The following UMAD1 variants were observed in gnomAD, a reference collection of about 807,000 sequenced individuals.
UMAD1 encodes UBAP1-MVB12-associated (UMA)-domain containing protein 1.
Under a neutral mutation model 6.1 loss-of-function variants are expected in UMAD1, and 8 were observed. That is an observed-to-expected ratio of 1.30 (90% confidence interval 0.76 to 2.35). UMAD1 has a LOEUF of 2.35. Ranked by LOEUF, UMAD1 falls within the 30% of genes most tolerant of loss-of-function variation. UMAD1 has a pLI of 0.00. For missense variants in UMAD1, 130 were observed against 78.4 expected (o/e 1.66, Z -2.49); for synonymous variants, 56 against 31.4 (o/e 1.78, Z -2.61).
At chr7:7,657,805 G>A (rs1346197818) in intron 1 of UMAD1, among the ~76,000 whole-genome samples, 4 of 152,088 alleles carry the variant, frequency 2.6e-5, no homozygotes, top group Non-Finnish European at 5.9e-5. Flanking sequence ...GCTCTATTTT[G>A]GTTCTATGTG....
chr7:7,768,570 C>T (rs1391729054), intron 2 of UMAD1, among the ~76,000 whole-genome samples: 1 of 152,094 alleles, frequency 6.6e-6, no homozygotes. Flanking sequence ...GGCCTGAAAA[C>T]TCCTCCTGCT....
At position 7,878,580 on chromosome 7, in the gene UMAD1, A is replaced by G. The variant is rs1784467860; in HGVS notation, c.*1042A>G. The stretch of plus-strand genomic sequence containing the variant: ...TCAATAAACTGTAAAGGGAAGAGGT[A>G]AATTGTGATAGAGAATTTTCTATGT... On this transcript the variant is annotated 3_prime_UTR_variant, in exon 4 of 4. Coordinates refer to ENST00000682710, the MANE Select transcript of UMAD1 (RefSeq NM_001302348.2). 1 of 152,230 alleles carries G rather than the reference A, an allele frequency of 6.6e-6. No homozygotes were observed. The highest frequency in any genetic ancestry group is 2.4e-5 in the African/African-American group (1 of 41,460). 9.4% of individuals were successfully genotyped at this position (152,230 alleles called of 1,614,324 possible).
At chr7:7,797,902 G>C (rs1232037415) in intron 2 of UMAD1, among the ~76,000 whole-genome samples, 7 of 152,080 alleles carry the variant, frequency 4.6e-5, no homozygotes, top group Admixed American at 4.6e-4. Flanking sequence ...GGCCAGGCTG[G>C]TCTTGAATTC....
chr7:7,802,538 A>C (rs1277784380), intron 3 of UMAD1, among the ~76,000 whole-genome samples: 2 of 152,246 alleles, frequency 1.3e-5, no homozygotes, highest in Admixed American at 1.3e-4. Flanking sequence ...TGTAGTTAGG[A>C]TACTTTTGAA....
intron 1 of UMAD1, among the ~76,000 whole-genome samples, chr7:7,670,728 C>T (rs1779585838): frequency 6.6e-6 from 1 of 152,160 alleles, no homozygotes; most frequent in Non-Finnish European, 1.5e-5. Flanking sequence ...AAGTAATCTG[C>T]CCCTCCTTTA....
At chr7:7,820,052 A>C (rs1304847916) in intron 3 of UMAD1, among the ~76,000 whole-genome samples, 3 of 152,220 alleles carry the variant, frequency 2.0e-5, no homozygotes, top group Non-Finnish European at 4.4e-5. Context: ...TGTCTTTTAG[A>C]GGTAGTTGTC....
intron 2 of UMAD1, among the ~76,000 whole-genome samples, chr7:7,688,942 T>C (rs928090653): frequency 2.0e-5 from 3 of 152,216 alleles, no homozygotes; most frequent in Non-Finnish European, 4.4e-5. Context: ...ACTTATCTAT[T>C]ACTTGGATTT....
intron 2 of UMAD1, among the ~76,000 whole-genome samples, chr7:7,778,495 C>A (rs1205305200): frequency 4.0e-5 from 6 of 151,524 alleles, no homozygotes; most frequent in African/African-American, 1.5e-4. Flanking sequence ...GCGATCACAG[C>A]TCAATGCAGT....
At chr7:7,864,602 TACACACAC>T (rs59036228) in intron 3 of UMAD1, among the ~76,000 whole-genome samples, 3,718 of 140,198 alleles carry the variant, frequency 0.027, 146 homozygotes, top group African/African-American at 0.082. Flanking sequence ...ACATGAAAAC[TACACACAC>T]ACACACACAC....
chr7:7,766,787 C>G (rs948355627), intron 2 of UMAD1, among the ~76,000 whole-genome samples: 4 of 152,148 alleles, frequency 2.6e-5, no homozygotes, highest in African/African-American at 7.2e-5. Flanking sequence ...AAGATTTGGA[C>G]AATTCATTTT....
intron 3 of UMAD1, among the ~76,000 whole-genome samples, chr7:7,821,106 G>A (rs1783233380): frequency 6.6e-6 from 1 of 152,166 alleles, no homozygotes; most frequent in Admixed American, 6.6e-5. Context: ...AAAAGAACAA[G>A]TAACCTCACT....
intron 3 of UMAD1, among the ~76,000 whole-genome samples, chr7:7,840,161 G>A (rs541058066): frequency 6.6e-6 from 1 of 152,252 alleles, no homozygotes; most frequent in Non-Finnish European, 1.5e-5. Context: ...AGTATGTGAG[G>A]CAGATTGTTA....
At chr7:7,748,762 T>A (rs1029403931) in intron 2 of UMAD1, among the ~76,000 whole-genome samples, 1 of 151,742 alleles carries the variant, frequency 6.6e-6, no homozygotes, top group Non-Finnish European at 1.5e-5. Flanking sequence ...TATTTATATA[T>A]TTGTATATAT....
chr7:7,774,911 C>A (rs13221076), intron 2 of UMAD1, among the ~76,000 whole-genome samples: 1 of 152,016 alleles, frequency 6.6e-6, no homozygotes. Flanking sequence ...CTGTCTCTTC[C>A]TCGCAAAGGT....
intron 2 of UMAD1, among the ~76,000 whole-genome samples, chr7:7,717,766 G>A (rs1185470706): frequency 2.6e-5 from 4 of 152,110 alleles, no homozygotes; most frequent in Admixed American, 6.6e-5. Flanking sequence ...AGGAACTCTG[G>A]CCTGGATGAG....
intron 3 of UMAD1, among the ~76,000 whole-genome samples, chr7:7,818,701 C>G (rs1783179976): frequency 6.6e-6 from 1 of 152,156 alleles, no homozygotes; most frequent in Admixed American, 6.5e-5. Context: ...ATTATAAAGA[C>G]ACGTGCACAC....
intron 3 of UMAD1, among the ~76,000 whole-genome samples, chr7:7,812,753 G>A (rs1478901197): frequency 2.7e-5 from 4 of 150,848 alleles, no homozygotes; most frequent in Non-Finnish European, 5.9e-5. Context: ...TCAGCAGGGT[G>A]AGAGGTCCAT....
At chr7:7,858,311 C>G (rs1190237098) in intron 3 of UMAD1, among the ~76,000 whole-genome samples, 2 of 152,180 alleles carry the variant, frequency 1.3e-5, no homozygotes, top group Non-Finnish European at 2.9e-5. Context: ...TTTAAACCAC[C>G]TTATTTTTAC....
intron 3 of UMAD1, among the ~76,000 whole-genome samples, chr7:7,821,423 T>G (rs1386881325): frequency 1.3e-5 from 2 of 152,236 alleles, no homozygotes; most frequent in Non-Finnish European, 2.9e-5. Context: ...TAATTTCACC[T>G]GTTTAACTTT....
Sources: gnomAD v4.1 joint callset for allele counts (sites outside exome capture counted in the v4.1 genomes callset) on GRCh38, gnomAD v4.1.1 for gene constraint, MANE v1.5 for transcripts, NCBI Gene and HGNC (gene_info 2026-07-23, HGNC 2026-07-21) for gene names.